Variants in KLF16 observed in about 807,000 individuals in gnomAD.
KLF16 encodes the protein Krueppel-like factor 16.
KLF16 carries 6 observed loss-of-function variants against 6.1 expected under a neutral mutation model. That is an observed-to-expected ratio of 0.98 (90% CI 0.54 to 1.93). KLF16 has a LOEUF of 1.93. KLF16 is among the 30% of genes most tolerant of loss of function. KLF16 has a pLI of 0.01. For synonymous variants in KLF16, 211 were observed against 176.5 expected (o/e 1.20, Z -1.55); for missense variants, 355 against 363.8 (o/e 0.98, Z 0.20).
chr19:1,862,986 G>T, intron 1 of KLF16, 55 bp downstream of exon 1: 1 of 1,127,050 alleles, frequency 8.9e-7, no homozygotes. Context: ...GTCCTGGCGG[G>T]GGAGGGGTCT....
chr19:1,870,774 T>C, the KLF16 span, among the ~76,000 whole-genome samples: 1 of 152,148 alleles, frequency 6.6e-6, no homozygotes, highest in South Asian at 2.1e-4. Flanking sequence ...GGCGGGCAGG[T>C]CACCTGAGGT....
rs1051592430 is a variant in KLF16 at position 1,853,341 on chromosome 19, C to T, written c.*1118G>A. On this transcript the variant is annotated 3_prime_UTR_variant, in exon 2 of 2. Coordinates refer to ENST00000250916, the MANE Select transcript of KLF16 (RefSeq NM_031918.4). ...AGGAGGCTGCACAGCCAGCCCTCTG[C>T]TTCCAGTCCACGAGGCAAGACCTCA... The T allele has an allele frequency of 9.8e-5, 15 of 152,476 alleles. No individual in the cohort carries two copies. Among genetic ancestry groups the T allele is most frequent in the African/African-American group, 3.6e-4 (15 of 41,460 alleles). The allele number at this position is 152,476 out of a possible 1,614,324, so 9.4% of individuals were successfully genotyped here.
chr19:1,860,907 C>A (rs1333757251), intron 1 of KLF16, among the ~76,000 whole-genome samples: 1 of 152,066 alleles, frequency 6.6e-6, no homozygotes, highest in African/African-American at 2.4e-5. Flanking sequence ...CCCTCCCAGT[C>A]CCCAAATCGT....
Position 1,863,169 on chromosome 19 carries a change from G to C in KLF16, c.329C>G (p.Pro110Arg). Reference sequence around the variant, plus strand: ...GGCGCCGGGGGCGCGGCCCGAGGACGGGGACGAGGCGGCTGAGGAGGAGGA... The same window carrying C: ...GGCGCCGGGGGCGCGGCCCGAGGACCGGGACGAGGCGGCTGAGGAGGAGGA... ...PASSSSAASS[P>R]SSGRAPGAAP... Residue 110 changes from proline to arginine, a missense_variant, in exon 1 of 2, where the codon CCG (proline) becomes CGG (arginine). Transcript: ENST00000250916. The C allele has an allele frequency of 2.4e-6, 3 of 1,262,672 alleles. No individual in the cohort carries two copies. The highest frequency in any genetic ancestry group is 3.0e-6 in the Non-Finnish European group (3 of 988,244). 78.2% of individuals were successfully genotyped at this position (1,262,672 alleles called of 1,614,324 possible).
At chr19:1,859,018 C>A (rs2012009380) in intron 1 of KLF16, among the ~76,000 whole-genome samples, 1 of 152,136 alleles carries the variant, frequency 6.6e-6, no homozygotes, top group African/African-American at 2.4e-5. Context: ...GTTCCAGCTG[C>A]TCTCTGCACT....
the KLF16 span, among the ~76,000 whole-genome samples, chr19:1,870,857 G>A: frequency 7.2e-5 from 11 of 152,122 alleles, no homozygotes; most frequent in African/African-American, 2.4e-4. Flanking sequence ...TTAACCAGGC[G>A]TGGTGGCACG....
At chr19:1,870,464 G>A in the KLF16 span, among the ~76,000 whole-genome samples, 1 of 151,994 alleles carries the variant, frequency 6.6e-6, no homozygotes, top group Non-Finnish European at 1.5e-5. Flanking sequence ...TTAAGGCCAG[G>A]AGTTCGAGAC....
intron 1 of KLF16, chr19:1,862,751 G>A (rs890247273): frequency 4.1e-5 from 15 of 368,492 alleles, no homozygotes; most frequent in Middle Eastern, 7.0e-4. Context: ...CCCAGAAAGG[G>A]AGAGAGGTGG....
chr19:1,863,137 A>AGGGCGCGGCGCCGG lies in KLF16; in HGVS notation c.347_360dup (p.Ser121ProfsTer29). 1.5e-6 allele frequency: 2 copies of AGGGCGCGGCGCCGG among 1,332,694 alleles called. No homozygotes were observed. The highest frequency in any genetic ancestry group is 2.9e-4 in the Middle Eastern group (1 of 3,414). 82.6% of individuals were successfully genotyped at this position (1,332,694 alleles called of 1,614,324 possible). Reference sequence around the variant, plus strand: ...CAGCGGTGGCTCTTGGCGGCGGCGGAGGGCGCGGCGCCGGGGGCGCGGCCC... The same window carrying AGGGCGCGGCGCCGG: ...CAGCGGTGGCTCTTGGCGGCGGCGGAGGGCGCGGCGCCGGGGGCGCGGCGCCGGGGGCGCGGCCC... On this transcript the variant is annotated frameshift_variant, in exon 1 of 2. Coordinates refer to ENST00000250916, the MANE Select transcript of KLF16 (RefSeq NM_031918.4). LOFTEE classifies it high-confidence loss of function.
chr19:1,874,746 C>CAAAAGAAA, the KLF16 span: 1 of 41,976 alleles, frequency 2.4e-5, no homozygotes, highest in Non-Finnish European at 4.6e-5. Context: ...GTCAGAGTCC[C>CAAAAGAAA]AAAAAAAAAA....
upstream of KLF16, among the ~76,000 whole-genome samples, chr19:1,863,723 C>T: frequency 7.0e-6 from 1 of 143,442 alleles, no homozygotes; most frequent in Non-Finnish European, 1.5e-5. Flanking sequence ...GGAGGACGCC[C>T]CCTCGGGGCG....
chr19:1,867,603 T>C (rs999101835), upstream of KLF16, among the ~76,000 whole-genome samples: 1 of 152,144 alleles, frequency 6.6e-6, no homozygotes. Flanking sequence ...TGGTGGCTGA[T>C]GCCTGTAATC....
chr19:1,874,191 G>T, the KLF16 span, among the ~76,000 whole-genome samples: 11 of 152,208 alleles, frequency 7.2e-5, no homozygotes, highest in East Asian at 2.1e-3. Flanking sequence ...AGAAGATCAC[G>T]GTGGGAGAAC....
intron 1 of KLF16, among the ~76,000 whole-genome samples, chr19:1,858,995 G>A (rs754267293): frequency 3.3e-5 from 5 of 152,104 alleles, no homozygotes; most frequent in Non-Finnish European, 7.4e-5. Flanking sequence ...ACTAGCTGGG[G>A]CACCTGCAGG....
chr19:1,867,731 T>TG (rs766962785), upstream of KLF16, among the ~76,000 whole-genome samples: 33 of 150,562 alleles, frequency 2.2e-4, no homozygotes, highest in Admixed American at 9.3e-4. Flanking sequence ...CCAGGTGTGG[T>TG]GGGGGGCCGC....
chr19:1,869,855 C>T, the KLF16 span, among the ~76,000 whole-genome samples: 2 of 152,324 alleles, frequency 1.3e-5, no homozygotes, highest in African/African-American at 4.8e-5. Context: ...TCAAACAATC[C>T]TCCTGCTTTG....
chr19:1,859,890 C>T (rs985115474), intron 1 of KLF16, among the ~76,000 whole-genome samples: 1 of 152,042 alleles, frequency 6.6e-6, no homozygotes, highest in African/African-American at 2.4e-5. Flanking sequence ...GGAGGGGGTG[C>T]TCCTGCCATG....
At chr19:1,864,803 A>T (rs938924810), upstream of KLF16, among the ~76,000 whole-genome samples, 2 of 152,204 alleles carry the variant, frequency 1.3e-5, no homozygotes, top group Non-Finnish European at 2.9e-5. Flanking sequence ...TCGCAGGCCC[A>T]AGGCGGCGGG....
chr19:1,870,722 G>C, the KLF16 span, among the ~76,000 whole-genome samples: 1 of 152,162 alleles, frequency 6.6e-6, no homozygotes. Flanking sequence ...CTGGCCTGGC[G>C]TGGTGGCTCA....
Sources: allele counts gnomAD v4.1 joint callset (sites outside exome capture counted in the v4.1 genomes callset), GRCh38; gene constraint gnomAD v4.1.1; transcripts MANE v1.5; gene names NCBI Gene and HGNC (gene_info 2026-07-23, HGNC 2026-07-21).